Variants in MINDY4 observed in about 807,000 individuals in gnomAD.
The protein encoded by MINDY4 is probable ubiquitin carboxyl-terminal hydrolase MINDY-4.
In MINDY4, 68 loss-of-function variants were observed where a neutral mutation model predicts 87.0. That is an observed-to-expected ratio of 0.78 (90% CI 0.64 to 0.96). The LOEUF (loss-of-function observed/expected upper bound fraction) is 0.96. Ranked by LOEUF, MINDY4 falls within the 40% of genes least tolerant of loss-of-function variation. The pLI is 0.00. For missense variants in MINDY4, 919 were observed against 928.2 expected, an observed-to-expected ratio of 0.99 and a Z score of 0.13; for synonymous variants, 379 against 363.2, an observed-to-expected ratio of 1.04 and a Z score of -0.50.
intron 5 of MINDY4, among the ~76,000 whole-genome samples, chr7:30,820,573 A>G (rs1223854656): frequency 1.3e-5 from 2 of 152,240 alleles, no homozygotes; most frequent in East Asian, 1.9e-4. Context: ...GATATTTCAC[A>G]TAAGCGGAAT....
At chr7:30,887,006 T>C (rs1448754654) in intron 17 of MINDY4, among the ~76,000 whole-genome samples, 1 of 152,120 alleles carries the variant, frequency 6.6e-6, no homozygotes, top group African/African-American at 2.4e-5. Context: ...AGGAAAGAAC[T>C]CATAACCGGA....
chr7:30,884,172 C>G (rs944844255), intron 17 of MINDY4, among the ~76,000 whole-genome samples: 10 of 152,108 alleles, frequency 6.6e-5, no homozygotes, highest in African/African-American at 2.2e-4. Flanking sequence ...GGTTGATGCC[C>G]ACCACAGGAA....
chr7:30,852,197 A>G lies in MINDY4; in HGVS notation c.1548-19A>G, dbSNP rs1267626201. On this transcript the variant is annotated intron_variant, in intron 10 of 17. Coordinates refer to ENST00000265299, the MANE Select transcript of MINDY4 (RefSeq NM_032222.3). Reference sequence around the variant, plus strand: ...TTCTCTCCACTCAGAGGACTCATGCACCTTCCTTTCCTTTTTAGGGCTTCG... The same window carrying G: ...TTCTCTCCACTCAGAGGACTCATGCGCCTTCCTTTCCTTTTTAGGGCTTCG... The G allele has an allele frequency of 1.4e-5, 22 of 1,613,950 alleles. No homozygotes were observed. The highest frequency in any genetic ancestry group is 1.8e-5 in the Non-Finnish European group (21 of 1,179,968).
chr7:30,786,667 A>G (rs942638408), intron 4 of MINDY4: 2 of 151,720 alleles, frequency 1.3e-5, no homozygotes, highest in African/African-American at 4.8e-5. Context: ...AGCATCTTTT[A>G]AAATAAATCT....
chr7:30,806,927 C>A (rs1787827399), intron 5 of MINDY4, among the ~76,000 whole-genome samples: 1 of 152,228 alleles, frequency 6.6e-6, no homozygotes, highest in African/African-American at 2.4e-5. Flanking sequence ...GCCTTGAGCC[C>A]AGGGTTTCAC....
In MINDY4 at chr7:30,853,432, G is replaced by A. The variant is rs1442386096; in HGVS notation, c.1650G>A (p.Val550=). 6.2e-7 allele frequency: 1 copy of A among 1,613,594 alleles called. No individual in the cohort carries two copies. The highest frequency in any genetic ancestry group is 2.2e-5 in the East Asian group (1 of 44,880). The part of the protein sequence containing the change: ...LHSLTCYEDL[V]TFLQQSIHQF... ...GTTTGACCTGCTATGAGGACCTGGTGACTTTTCTTCAACAAAGCATTCATC... is the reference window on the plus strand; with the variant it reads ...GTTTGACCTGCTATGAGGACCTGGTAACTTTTCTTCAACAAAGCATTCATC... Residue 550 remains valine, a synonymous_variant, in exon 12 of 18, where the codon GTG becomes GTA. Coordinates refer to ENST00000265299, the MANE Select transcript of MINDY4 (RefSeq NM_032222.3).
At chr7:30,787,273 A>G (rs1787184593) in intron 4 of MINDY4, among the ~76,000 whole-genome samples, 1 of 152,230 alleles carries the variant, frequency 6.6e-6, no homozygotes, top group Non-Finnish European at 1.5e-5. Context: ...TTCAGGCCAC[A>G]TCTTGATGTC....
chr7:30,885,137 G>T (rs1022184163), intron 17 of MINDY4, among the ~76,000 whole-genome samples: 39 of 152,348 alleles, frequency 2.6e-4, no homozygotes, highest in African/African-American at 9.1e-4. Context: ...GCACACAGGG[G>T]CTAAGAGGAG....
intron 1 of MINDY4, 83 bp downstream of exon 1, chr7:30,771,639 T>C: frequency 7.1e-7 from 1 of 1,400,254 alleles, no homozygotes; most frequent in Non-Finnish European, 9.7e-7. Flanking sequence ...GCTTTGCAGC[T>C]TCTGGGAGGG....
chr7:30,818,235 T>C (rs191412754), intron 5 of MINDY4, among the ~76,000 whole-genome samples: 99 of 152,356 alleles, frequency 6.5e-4, no homozygotes, highest in African/African-American at 2.2e-3. Flanking sequence ...CATTATTAGA[T>C]TTTCTACTGT....
At chr7:30,835,318 A>T (rs1451746808) in intron 6 of MINDY4, among the ~76,000 whole-genome samples, 4 of 152,366 alleles carry the variant, frequency 2.6e-5, no homozygotes, top group Non-Finnish European at 5.9e-5. Flanking sequence ...TTTTAAAGCC[A>T]TCAGATGTTG....
Position 30,850,505 on chromosome 7 carries a change from C to T in MINDY4, c.1497C>T (p.Leu499=), listed in dbSNP as rs529919753. ...GGACCCGCTGCCTCGTCCTGGCCCT[C>T]GCAGACATTGTGTGGCGGGCAGGGG... ...AHRTRCLVLA[L]ADIVWRAGGR... The change falls in exon 10 of 18, where the codon CTC becomes CTT. Residue 499 remains leucine (L), a synonymous_variant. Transcript: ENST00000265299. 44 of 1,612,458 alleles carry T rather than the reference C, an allele frequency of 2.7e-5. 1 individual carries two copies. The highest frequency in any genetic ancestry group is 2.1e-4 in the African/African-American group (16 of 75,052).
At chr7:30,885,716 C>A (rs998119988) in intron 17 of MINDY4, among the ~76,000 whole-genome samples, 2 of 149,506 alleles carry the variant, frequency 1.3e-5, no homozygotes, top group African/African-American at 5.0e-5. Context: ...ACCCCCCCCC[C>A]AACCCTGCTG....
chr7:30,775,975 G>A (rs1030293630), intron 1 of MINDY4, among the ~76,000 whole-genome samples: 3 of 152,166 alleles, frequency 2.0e-5, no homozygotes, highest in Non-Finnish European at 4.4e-5. Context: ...CAGTCCATCA[G>A]CAAATCTGTT....
chr7:30,881,214 G>T (rs1366637580), intron 15 of MINDY4, among the ~76,000 whole-genome samples: 1 of 152,164 alleles, frequency 6.6e-6, no homozygotes, highest in Non-Finnish European at 1.5e-5. Context: ...CTGGGGGAAA[G>T]TGCATGGAGG....
chr7:30,792,586 T>C (rs1417073220), intron 5 of MINDY4, among the ~76,000 whole-genome samples: 2 of 152,216 alleles, frequency 1.3e-5, no homozygotes, highest in Non-Finnish European at 2.9e-5. Flanking sequence ...TTTTGGCAAG[T>C]TGTATTTTTT....
At chr7:30,882,896 T>G (rs1790515366) in intron 16 of MINDY4, 25 bp from the exon 17 acceptor site, 2 of 1,612,024 alleles carry the variant, frequency 1.2e-6, no homozygotes, top group Non-Finnish European at 1.7e-6. Flanking sequence ...GGGTGACATG[T>G]GTGTGCCTCT....
At chr7:30,836,932 A>G (rs921687769) in intron 7 of MINDY4, among the ~76,000 whole-genome samples, 168 bp downstream of exon 7, 2 of 152,040 alleles carry the variant, frequency 1.3e-5, no homozygotes, top group African/African-American at 4.8e-5. Context: ...AGTCAGGAAA[A>G]CTGCAGTCTA....
At chr7:30,797,820 A>G (rs532965883) in intron 5 of MINDY4, among the ~76,000 whole-genome samples, 108 of 152,306 alleles carry the variant, frequency 7.1e-4, no homozygotes, top group African/African-American at 2.4e-3. Flanking sequence ...CAACTGCAGT[A>G]GTAGAAGAGA....
Sources: gnomAD v4.1 joint callset for allele counts (sites outside exome capture counted in the v4.1 genomes callset) on GRCh38, gnomAD v4.1.1 for gene constraint, MANE v1.5 for transcripts, NCBI Gene and HGNC (gene_info 2026-07-23, HGNC 2026-07-21) for gene names.